The following FAM83F variants were observed in gnomAD, a reference collection of about 807,000 sequenced individuals.
FAM83F encodes the protein scaffolding CK1 anchoring protein F, also known as protein FAM83F.
Under a neutral mutation model 42.9 loss-of-function variants are expected in FAM83F, and 45 were observed. The ratio of observed to expected loss-of-function variants is 1.05; its 90% CI spans 0.83 to 1.35. The LOEUF is 1.35. Ranked by LOEUF, FAM83F falls within the 40% of genes most tolerant of loss-of-function variation. FAM83F has a pLI of 0.00. For missense variants in FAM83F, 617 were observed against 695.9 expected (o/e 0.89, Z 1.28); for synonymous variants, 306 against 298.3 (o/e 1.03, Z -0.27).
rs1195351448 is a variant in FAM83F at position 40,041,261 on chromosome 22, G to A, written c.*11696G>A. The A allele has an allele frequency of 2.6e-5, 4 of 152,188 alleles. No individual in the cohort carries two copies. The highest frequency in any genetic ancestry group is 1.3e-4 in the Admixed American group (2 of 15,264). 9.4% of individuals were successfully genotyped at this position (152,188 alleles called of 1,614,324 possible). ...TGCATACAAGTGTGCAGGGCTTAAC[G>A]AGTCTTTTTACTCTGAAAGCTGGGT... On this transcript the variant is annotated 3_prime_UTR_variant, in exon 5 of 5. Transcript: ENST00000333407.
intron 1 of FAM83F, among the ~76,000 whole-genome samples, chr22:40,014,133 T>TTTC (rs1385477752): frequency 6.9e-6 from 1 of 145,218 alleles, no homozygotes; most frequent in Admixed American, 6.9e-5. Flanking sequence ...TTTCTTTTCT[T>TTTC]TTTTTTTTTT....
At chr22:40,019,783 C>A in intron 2 of FAM83F, 104 bp from the exon 3 acceptor site, 1 of 1,438,476 alleles carries the variant, frequency 7.0e-7, no homozygotes, top group Non-Finnish European at 9.2e-7. Flanking sequence ...CAGGAGCCTG[C>A]AGGCAGGGTC....
chr22:40,025,842 C>A (rs1202005766), intron 4 of FAM83F, among the ~76,000 whole-genome samples: 2 of 152,318 alleles, frequency 1.3e-5, no homozygotes, highest in South Asian at 4.1e-4. Flanking sequence ...AGAGGGTCCT[C>A]AGACCAGCCG....
At chr22:40,012,511 T>C (rs2067470953) in intron 1 of FAM83F, among the ~76,000 whole-genome samples, 1 of 151,912 alleles carries the variant, frequency 6.6e-6, no homozygotes, top group Admixed American at 6.6e-5. Flanking sequence ...GGTTCATACC[T>C]GAAATCCTAG....
rs149778196 is a variant in FAM83F at position 40,016,185 on chromosome 22, CGTT to C, written c.490-2970_490-2968del. ...ATAACATTGTCAGTGATTGACTATA[CGTT>C]GTTGTTGTTGTTTTTTTATTTTTTT... On this transcript the variant is annotated intron_variant, in intron 1 of 4. Transcript: ENST00000333407. Among the ~76,000 whole-genome samples the C allele has an allele frequency of 4.1e-3, 329 of 80,874 alleles. 1 individual carries two copies. The highest frequency in any genetic ancestry group is 0.015 in the African/African-American group (315 of 20,682). 53.1% of individuals were successfully genotyped at this position (80,874 alleles called of 152,430 possible). A position where few individuals can be genotyped will look rare whatever the true frequency, so the allele number is the denominator to read the frequency against.
chr22:40,020,135 G>A (rs1331259971), intron 3 of FAM83F, 127 bp downstream of exon 3: 2 of 1,362,966 alleles, frequency 1.5e-6, no homozygotes, highest in Non-Finnish European at 1.9e-6. Context: ...CAATAGCAAA[G>A]GACAGCTTTC....
intron 1 of FAM83F, among the ~76,000 whole-genome samples, chr22:40,010,513 A>AAAGC: frequency 6.6e-6 from 1 of 152,206 alleles, no homozygotes; most frequent in African/African-American, 2.4e-5. Flanking sequence ...TCAGGGCGTC[A>AAAGC]CAGTCCGACT....
rs1206068426 is a variant in FAM83F at position 40,035,543 on chromosome 22, G to A, written c.*5978G>A. The A allele has an allele frequency of 6.6e-6, 1 of 152,288 alleles. No individual in the cohort carries two copies. The highest frequency in any genetic ancestry group is 1.5e-5 in the Non-Finnish European group (1 of 68,096). 9.4% of individuals were successfully genotyped at this position (152,288 alleles called of 1,614,324 possible). On this transcript the variant is annotated 3_prime_UTR_variant, in exon 5 of 5. Coordinates refer to ENST00000333407, the MANE Select transcript of FAM83F (RefSeq NM_138435.4). ...TATTCATCCGGTGGATATTTGCTGG[G>A]TGCCCGGCCTGGGGATCCATGGTGA...
At position 40,021,689 on chromosome 22, in the gene FAM83F, G is replaced by C; in HGVS notation, c.1179G>C (p.Leu393Phe). ...TGCCCCCCGTGGAGCCCATCCCCTT[G>C]GGAGAGCTGAGCCAGAAGGATGGCA... ...QVLPPVEPIPLGELSQKDGRM... is the reference protein window; with the variant it reads ...QVLPPVEPIPFGELSQKDGRM... The change falls in exon 4 of 5, where the codon TTG becomes TTC. Residue 393 changes from leucine to phenylalanine, a missense_variant. Coordinates refer to ENST00000333407, the MANE Select transcript of FAM83F (RefSeq NM_138435.4). The surrounding 1 kb of genome is among the most constrained non-coding windows in gnomAD (Gnocchi z 8.7). 6.2e-7 allele frequency: 1 copy of C among 1,613,070 alleles called. No homozygotes were observed.
chr22:40,042,616 GAA>G lies in FAM83F; in HGVS notation c.*13052_*13053del, dbSNP rs1240226066. 2 of 152,326 alleles carry G rather than the reference GAA, an allele frequency of 1.3e-5. No individual in the cohort carries two copies. The highest frequency in any genetic ancestry group is 2.9e-5 in the Non-Finnish European group (2 of 68,034). The allele number at this position is 152,326 out of a possible 1,614,324, so 9.4% of individuals were successfully genotyped here. A position where few individuals can be genotyped will look rare whatever the true frequency, so the allele number is the denominator to read the frequency against. On this transcript the variant is annotated 3_prime_UTR_variant, in exon 5 of 5. Coordinates refer to ENST00000333407, the MANE Select transcript of FAM83F (RefSeq NM_138435.4). The stretch of plus-strand genomic sequence containing the variant: ...CCCTACTCGACTGAGGTCCTTGAAG[GAA>G]GAGAGAGTGTATCACTCATCTGCAT...
At chr22:40,029,371 G>GT in intron 4 of FAM83F, 145 bp from the exon 5 acceptor site, 1 of 1,210,856 alleles carries the variant, frequency 8.3e-7, no homozygotes, top group Non-Finnish European at 1.1e-6. Context: ...TATTGACTTG[G>GT]TTTCCAGATC....
At chr22:40,020,131 C>A in intron 3 of FAM83F, 123 bp downstream of exon 3, 1 of 1,369,624 alleles carries the variant, frequency 7.3e-7, no homozygotes. Flanking sequence ...GACGCAATAG[C>A]AAAGGACAGC....
At chr22:40,001,637 ACT>A (rs893511484) in intron 1 of FAM83F, among the ~76,000 whole-genome samples, 12 of 151,918 alleles carry the variant, frequency 7.9e-5, no homozygotes, top group African/African-American at 2.9e-4. Context: ...CCAGAGTGAA[ACT>A]CTATCTCAAA....
rs1454899506 is a variant in FAM83F at position 40,019,971 on chromosome 22, A to C, written c.742A>C (p.Met248Leu). ...GGGGACCCTGTCATCAAGGTTCCTG[A>C]TGGTGGACGGTGACAAAGTGGCCAC... ...IKGTLSSRFL[M>L]VDGDKVATGS... Residue 248 changes from methionine to leucine, a missense_variant, in exon 3 of 5, where the codon ATG (methionine) becomes CTG (leucine). Met to Leu is a conservative substitution (Grantham distance 15). Transcript: ENST00000333407. 1.9e-6 allele frequency: 3 copies of C among 1,613,590 alleles called. 1 individual carries two copies. The highest frequency in any genetic ancestry group is 1.7e-6 in the Non-Finnish European group (2 of 1,179,724).
At chr22:39,999,093 A>G (rs1440739611) in intron 1 of FAM83F, 1 of 152,282 alleles carries the variant, frequency 6.6e-6, no homozygotes, top group African/African-American at 2.4e-5. Flanking sequence ...TGGAAAGCAG[A>G]TACCTAAAAC....
In FAM83F at chr22:40,041,062, G is replaced by A. The variant is rs1283215841; in HGVS notation, c.*11497G>A. 6.6e-6 allele frequency: 1 copy of A among 152,064 alleles called. No homozygotes were observed. The highest frequency in any genetic ancestry group is 1.9e-4 in the East Asian group (1 of 5,190). 9.4% of individuals were successfully genotyped at this position (152,064 alleles called of 1,614,324 possible). On this transcript the variant is annotated 3_prime_UTR_variant, in exon 5 of 5. Transcript: ENST00000333407. The stretch of plus-strand genomic sequence containing the variant: ...AGGGATCACAACACAACCTCTCAAG[G>A]GAAAAAAGGAAGGCCTGTTGCTTGA...
chr22:40,026,779 C>T (rs1041288342), intron 4 of FAM83F, among the ~76,000 whole-genome samples: 2 of 152,134 alleles, frequency 1.3e-5, no homozygotes, highest in African/African-American at 4.8e-5. Context: ...TGGTTGGCCC[C>T]CTGGCTGGCA....
chr22:40,003,158 C>G (rs1445583511), intron 1 of FAM83F, among the ~76,000 whole-genome samples: 1 of 152,196 alleles, frequency 6.6e-6, no homozygotes, highest in Non-Finnish European at 1.5e-5. Context: ...CTGGTCCACT[C>G]TGTGCTAAGG....
intron 1 of FAM83F, among the ~76,000 whole-genome samples, chr22:40,004,157 A>G (rs1298658837): frequency 6.6e-6 from 1 of 152,072 alleles, no homozygotes; most frequent in Non-Finnish European, 1.5e-5. Flanking sequence ...CTTAAGTCTA[A>G]TGGGGGGTGA....
Sources: gnomAD v4.1 joint callset for allele counts (sites outside exome capture counted in the v4.1 genomes callset) on GRCh38, gnomAD v4.1.1 for gene constraint, Gnocchi (gnomAD v3.1) non-coding constraint, MANE v1.5 for transcripts, NCBI Gene and HGNC (gene_info 2026-07-23, HGNC 2026-07-21) for gene names.